The following SCFD2 variants were observed in gnomAD, a reference collection of about 807,000 sequenced individuals.
SCFD2 encodes the protein sec1 family domain-containing protein 2.
Under a neutral mutation model 58.9 loss-of-function variants are expected in SCFD2, and 54 were observed. That is an observed-to-expected ratio of 0.92 (90% CI 0.74 to 1.15). SCFD2 has a LOEUF of 1.15. SCFD2 is among the 50% of genes most tolerant of loss of function. SCFD2 has a pLI of 0.00. For missense variants in SCFD2, 805 were observed against 836.6 expected (o/e 0.96, Z 0.47); for synonymous variants, 321 against 335.9 (o/e 0.96, Z 0.49).
In SCFD2 at chr4:53,145,421, C is replaced by T. The variant is rs373680763; in HGVS notation, c.1473G>A (p.Leu491=). 1.2e-6 allele frequency: 2 copies of T among 1,614,006 alleles called. No individual in the cohort carries two copies. Among genetic ancestry groups the T allele is most frequent in the African/African-American group, 2.7e-5 (2 of 74,892 alleles). ...TCTTGACTTTTTCTTCTGCTTCACA[C>T]AGGTCTTTGTCTACCGTGAGCTCTC... is the stretch of plus-strand genomic sequence containing the variant. ...VTGELTVDKD[L]CEAEEKVKKA... The change falls in exon 5 of 9, where the codon CTG becomes CTA. Residue 491 remains leucine, a synonymous_variant. Coordinates refer to ENST00000401642, the MANE Select transcript of SCFD2 (RefSeq NM_152540.4).
chr4:52,929,052 A>G (rs1372442340), intron 5 of SCFD2, among the ~76,000 whole-genome samples: 1 of 152,226 alleles, frequency 6.6e-6, no homozygotes. Context: ...CAAAAAGGCT[A>G]CTTGAGAAGA....
intron 4 of SCFD2, among the ~76,000 whole-genome samples, chr4:53,174,227 A>G (rs73143496): frequency 0.038 from 5,785 of 152,012 alleles, 379 homozygotes; most frequent in African/African-American, 0.13. Flanking sequence ...TTTAATTAGA[A>G]TTGCTAAATT....
At chr4:53,133,203 C>T (rs1410991350) in intron 5 of SCFD2, among the ~76,000 whole-genome samples, 3 of 151,902 alleles carry the variant, frequency 2.0e-5, no homozygotes, top group Admixed American at 2.0e-4. Flanking sequence ...TGGCGGGTGC[C>T]TGTAGTCCCA....
rs557509960 is a variant in SCFD2, at chr4:53,203,434, C to T, written c.1312-57852G>A. Among the ~76,000 whole-genome samples, 33 of 151,320 alleles carry T rather than the reference C, an allele frequency of 2.2e-4. 1 individual carries two copies. The South Asian group carries it at 6.1e-3, about 28-fold the overall frequency. On this transcript the variant is annotated intron_variant, in intron 4 of 8. Transcript: ENST00000401642. ...ATCTGTAAGTTGGATTTTCAATTTT[C>T]GATCAAAGAAAGAAAGATCAAATGA...
intron 5 of SCFD2, among the ~76,000 whole-genome samples, chr4:53,129,218 GAAAACAAAACAAAAC>G (rs5858206): frequency 6.3e-4 from 94 of 148,782 alleles, no homozygotes; most frequent in African/African-American, 1.2e-3. Context: ...TATCTTGGAA[GAAAACAAAACAAAAC>G]AAAACAAAAC....
At chr4:53,163,726 T>A (rs1480355971) in intron 4 of SCFD2, among the ~76,000 whole-genome samples, 1 of 151,940 alleles carries the variant, frequency 6.6e-6, no homozygotes, top group Non-Finnish European at 1.5e-5. Context: ...AAAGACTCCG[T>A]CTTGGCAGGG....
At chr4:53,300,387 A>G (rs1732234142) in intron 3 of SCFD2, among the ~76,000 whole-genome samples, 2 of 152,204 alleles carry the variant, frequency 1.3e-5, no homozygotes, top group African/African-American at 2.4e-5. Context: ...TCAATTCAAC[A>G]AGAAGAACTA....
intron 4 of SCFD2, among the ~76,000 whole-genome samples, chr4:53,255,075 G>A (rs1255973552): frequency 2.7e-5 from 4 of 150,868 alleles, no homozygotes; most frequent in African/African-American, 9.7e-5. Context: ...GTTTCACTGT[G>A]TTATCCAGGT....
At chr4:53,170,969 C>T (rs1430306559) in intron 4 of SCFD2, among the ~76,000 whole-genome samples, 1 of 152,190 alleles carries the variant, frequency 6.6e-6, no homozygotes, top group Admixed American at 6.5e-5. Context: ...ATGTCATCAA[C>T]AATCAGTGAC....
intron 5 of SCFD2, among the ~76,000 whole-genome samples, chr4:53,098,324 C>T (rs1041481579): frequency 1.2e-4 from 18 of 152,064 alleles, no homozygotes; most frequent in Admixed American, 6.6e-5. Flanking sequence ...TGGTAGAATT[C>T]GGCTGTGAAT....
At chr4:53,211,824 G>A (rs1728622579) in intron 4 of SCFD2, among the ~76,000 whole-genome samples, 1 of 152,022 alleles carries the variant, frequency 6.6e-6, no homozygotes, top group South Asian at 2.1e-4. Context: ...TTTCTAAGAT[G>A]GTTGATACCA....
chr4:52,993,404 AT>A (rs1393605482), intron 5 of SCFD2, among the ~76,000 whole-genome samples: 5 of 70,790 alleles, frequency 7.1e-5, no homozygotes, highest in African/African-American at 1.5e-4. Flanking sequence ...TACTAAAAAA[AT>A]AAAAAAATAA....
At chr4:53,016,583 C>G (rs1250216432) in intron 5 of SCFD2, among the ~76,000 whole-genome samples, 3 of 152,128 alleles carry the variant, frequency 2.0e-5, no homozygotes, top group African/African-American at 7.2e-5. Context: ...CTCCTGAGCT[C>G]TTTAGTCATG....
At chr4:52,879,731 C>T (rs555068261) in intron 8 of SCFD2, among the ~76,000 whole-genome samples, 15 of 152,236 alleles carry the variant, frequency 9.9e-5, no homozygotes, top group Non-Finnish European at 2.2e-4. Context: ...TTGCTCCAGA[C>T]CATGGCTGTA....
At chr4:53,231,093 A>G (rs1729423021) in intron 4 of SCFD2, among the ~76,000 whole-genome samples, 1 of 152,128 alleles carries the variant, frequency 6.6e-6, no homozygotes. Context: ...AGGTATATGC[A>G]TAAGGGACTA....
chr4:53,238,344 CGGGCGGGGGCTG>C (rs1729748659), intron 4 of SCFD2, among the ~76,000 whole-genome samples: 1 of 1,292 alleles, frequency 7.7e-4, no homozygotes, highest in Admixed American at 6.2e-3. Context: ...GGCGGCTGGC[CGGGCGGGGGCTG>C]ATGCCCCCAC....
intron 3 of SCFD2, among the ~76,000 whole-genome samples, chr4:53,279,811 A>G (rs1351612694): frequency 6.6e-6 from 1 of 152,226 alleles, no homozygotes; most frequent in African/African-American, 2.4e-5. Context: ...CCATCTTCAC[A>G]AGGTGGGAGG....
intron 6 of SCFD2, among the ~76,000 whole-genome samples, chr4:52,917,709 A>T (rs1209513545): frequency 6.6e-6 from 1 of 152,014 alleles, no homozygotes; most frequent in Non-Finnish European, 1.5e-5. Context: ...TCTGGGATTT[A>T]TTTCTGGAGG....
At chr4:53,024,688 T>A in intron 5 of SCFD2, among the ~76,000 whole-genome samples, 1 of 147,442 alleles carries the variant, frequency 6.8e-6, no homozygotes, top group African/African-American at 2.6e-5. Context: ...TATTGAAAGG[T>A]GTTTATGTCT....
Sources: allele counts gnomAD v4.1 joint callset (sites outside exome capture counted in the v4.1 genomes callset), GRCh38; gene constraint gnomAD v4.1.1; transcripts MANE v1.5; gene names NCBI Gene and HGNC (gene_info 2026-07-23, HGNC 2026-07-21).